UGGT1: variants seen among roughly 807,000 people sequenced by gnomAD.
UGGT1 encodes UDP-glucose:glycoprotein glucosyltransferase 1.
Under a neutral mutation model 203.9 loss-of-function variants are expected in UGGT1, and 107 were observed. The observed-to-expected ratio is 0.52, with a 90% confidence interval of 0.45 to 0.62. The LOEUF (loss-of-function observed/expected upper bound fraction) is 0.62, where lower values mean the gene tolerates loss of function less well. Among genes scored for constraint, UGGT1 ranks in the 20% least tolerant of loss-of-function variants. The probability of loss-of-function intolerance (pLI) is 0.00; values close to 1 mark genes in which losing one functional copy is unlikely to be tolerated. For missense variants in UGGT1, 1,673 were observed against 1,867.2 expected, an observed-to-expected ratio of 0.90 and a Z score of 1.92; for synonymous variants, 628 against 653.5, an observed-to-expected ratio of 0.96 and a Z score of 0.59.
chr2:128,096,407 A>G (rs1458050217), intron 1 of UGGT1, among the ~76,000 whole-genome samples: 2 of 152,250 alleles, frequency 1.3e-5, no homozygotes, highest in Non-Finnish European at 2.9e-5. Flanking sequence ...AGGGTTTCAC[A>G]GGACCACGTT....
At chr2:128,118,719 G>C (rs1286368423) in intron 8 of UGGT1, among the ~76,000 whole-genome samples, 1 of 152,012 alleles carries the variant, frequency 6.6e-6, no homozygotes, top group Non-Finnish European at 1.5e-5. Context: ...AAAGTAATTA[G>C]ACCTTTTTTT....
intron 18 of UGGT1, among the ~76,000 whole-genome samples, chr2:128,151,638 G>A (rs1159078553): frequency 6.6e-6 from 1 of 152,148 alleles, no homozygotes; most frequent in Non-Finnish European, 1.5e-5. Flanking sequence ...GGTCGGGCAC[G>A]GTGAGAGAGG....
At chr2:128,181,626 G>A (rs1278281015) in intron 36 of UGGT1, among the ~76,000 whole-genome samples, 1 of 152,218 alleles carries the variant, frequency 6.6e-6, no homozygotes, top group Non-Finnish European at 1.5e-5. Context: ...GTGGAAGGAT[G>A]TAATGTGTGT....
rs139800360 is a variant in UGGT1 at position 128,145,871 on chromosome 2, C to A, written c.1920C>A (p.Pro640=). The change falls in exon 18 of 41, where the codon CCC becomes CCA. Residue 640 remains proline, a synonymous_variant. Transcript: ENST00000259253. ...PLPVVLFNGM[P]FEREQLDPDE... is the part of the protein sequence containing the mutation. Reference sequence around the variant, plus strand: ...CCGTTGTGCTGTTCAATGGAATGCCCTTTGAAAGGGAACAGCTAGACCCTG... The same window carrying A: ...CCGTTGTGCTGTTCAATGGAATGCCATTTGAAAGGGAACAGCTAGACCCTG... 12 of 1,613,958 alleles carry A rather than the reference C, an allele frequency of 7.4e-6. No homozygotes were observed. The highest frequency in any genetic ancestry group is 1.6e-4 in the Middle Eastern group (1 of 6,084).
At chr2:128,131,264 G>A (rs1464860461) in intron 13 of UGGT1, among the ~76,000 whole-genome samples, 1 of 141,184 alleles carries the variant, frequency 7.1e-6, no homozygotes, top group African/African-American at 2.6e-5. Context: ...AAAAAATTGG[G>A]ATAATCCAGT....
At position 128,159,662 on chromosome 2, in the gene UGGT1, A is replaced by T; in HGVS notation, c.2504A>T (p.Lys835Met). ...AAGAACTTCATCACCAAAATGGCCA[A>T]GGAGGGGGCTGCAGAGGCCCTGGCT... ...AAKNFITKMA[K>M]EGAAEALAAG... The change falls in exon 23 of 41, where the codon AAG becomes ATG. Residue 835 changes from lysine to methionine, a missense_variant. Physicochemically the swap from Lys to Met is moderately conservative, Grantham distance 95. This residue lies in a region of UGGT1 where 1,073 missense variants were observed against 1,078.7 expected (regional missense o/e 0.99). Coordinates refer to ENST00000259253, the MANE Select transcript of UGGT1 (RefSeq NM_020120.4). The T allele has an allele frequency of 6.2e-7, 1 of 1,614,154 alleles. No individual in the cohort carries two copies. The highest frequency in any genetic ancestry group is 8.5e-7 in the Non-Finnish European group (1 of 1,180,026).
At position 128,160,800 on chromosome 2, in the gene UGGT1, TG is replaced by T. The variant is rs1690489832; in HGVS notation, c.2694+210del. ...ATATCCCCATATGGAGCCTTCCTGC[TG>T]TCGGTGAGAGTGTGGTGGCTCTCAG... On this transcript the variant is annotated intron_variant, in intron 24 of 40. Transcript: ENST00000259253. 1.3e-5 allele frequency among the ~76,000 whole-genome samples: 2 copies of T among 152,252 alleles called. 1 individual carries two copies. The highest frequency in any genetic ancestry group is 4.1e-4 in the South Asian group (2 of 4,836).
intron 14 of UGGT1, among the ~76,000 whole-genome samples, chr2:128,134,325 C>T: frequency 6.6e-6 from 1 of 152,202 alleles, no homozygotes; most frequent in Non-Finnish European, 1.5e-5. Context: ...TGTGAGCCAC[C>T]ATGCCTGGCC....
At chr2:128,151,842 A>G (rs1271149272) in intron 18 of UGGT1, among the ~76,000 whole-genome samples, 1 of 151,982 alleles carries the variant, frequency 6.6e-6, no homozygotes, top group African/African-American at 2.4e-5. Context: ...ATACTACTAC[A>G]CTCCAGCCTG....
At chr2:128,149,659 G>C (rs1019525171) in intron 18 of UGGT1, among the ~76,000 whole-genome samples, 1 of 151,854 alleles carries the variant, frequency 6.6e-6, no homozygotes, top group Non-Finnish European at 1.5e-5. Flanking sequence ...TGTAGTCCCA[G>C]CTACTCAGGA....
intron 1 of UGGT1, among the ~76,000 whole-genome samples, chr2:128,094,254 TAAAA>T (rs1177098576): frequency 6.7e-6 from 1 of 148,366 alleles, no homozygotes; most frequent in East Asian, 2.0e-4. Context: ...CAGGCCAGAT[TAAAA>T]AAAAAAGAAA....
chr2:128,193,322 G>C lies in UGGT1; in HGVS notation c.*3580G>C, dbSNP rs1163115184. 7 of 150,426 alleles carry C rather than the reference G, an allele frequency of 4.7e-5. No individual in the cohort carries two copies. Among genetic ancestry groups the C allele is most frequent in the African/African-American group, 1.7e-4 (7 of 40,852 alleles). The allele number at this position is 150,426 out of a possible 1,614,324, so 9.3% of individuals were successfully genotyped here. A position where few individuals can be genotyped will look rare whatever the true frequency, so the allele number is the denominator to read the frequency against. On this transcript the variant is annotated 3_prime_UTR_variant, in exon 41 of 41. Coordinates refer to ENST00000259253, the MANE Select transcript of UGGT1 (RefSeq NM_020120.4). ...GCTGGAGTGCAGTGGTGCGATCTTG[G>C]CTCACTTCAACCTCTGCCTCCCAAG...
chr2:128,094,511 C>A (rs922221144), intron 1 of UGGT1, among the ~76,000 whole-genome samples: 1 of 152,078 alleles, frequency 6.6e-6, no homozygotes, highest in Non-Finnish European at 1.5e-5. Context: ...TACTATTATT[C>A]CTACTTTGAT....
At chr2:128,169,631 C>CT (rs1690990680) in intron 26 of UGGT1, among the ~76,000 whole-genome samples, 1 of 152,218 alleles carries the variant, frequency 6.6e-6, no homozygotes, top group Admixed American at 6.5e-5. Context: ...AAAGCCATCT[C>CT]TATGTCCAGC....
At chr2:128,166,343 G>T (rs1690788029) in intron 26 of UGGT1, among the ~76,000 whole-genome samples, 1 of 152,162 alleles carries the variant, frequency 6.6e-6, no homozygotes, top group Non-Finnish European at 1.5e-5. Context: ...GCACCATTTG[G>T]AAATACGTTG....
Position 128,145,820 on chromosome 2 carries a change from T to A in UGGT1, c.1869T>A (p.Tyr623Ter). ...DRNRKEARGY[Y>*]EQTGVGPLPV... ...TGTTTCAGGAAGCAAGAGGCTACTA[T>A]GAGCAGACTGGAGTTGGACCTCTGC... The change falls in exon 18 of 41, where the codon TAT becomes TAA. Residue 623 changes from tyrosine (Y) to a stop codon, truncating the protein, a stop_gained. Coordinates refer to ENST00000259253, the MANE Select transcript of UGGT1 (RefSeq NM_020120.4). LOFTEE classifies it high-confidence loss of function. The A allele has an allele frequency of 6.2e-7, 1 of 1,600,698 alleles. No individual in the cohort carries two copies. The highest frequency in any genetic ancestry group is 1.1e-5 in the South Asian group (1 of 89,758).
Position 128,091,202 on chromosome 2 carries a change from C to A in UGGT1, c.-156C>A. ...GCGGAAGTAAAAGGGCGGCCGGCAGCTGGGCAATTGCTTTGCGAGGCTGGG... is the reference window on the plus strand; with the variant it reads ...GCGGAAGTAAAAGGGCGGCCGGCAGATGGGCAATTGCTTTGCGAGGCTGGG... On this transcript the variant is annotated 5_prime_UTR_variant, in exon 1 of 41. The change creates a new upstream start codon in the 5' untranslated region. Coordinates refer to ENST00000259253, the MANE Select transcript of UGGT1 (RefSeq NM_020120.4). The A allele has an allele frequency of 2.5e-6, 2 of 814,126 alleles. No homozygotes were observed. The highest frequency in any genetic ancestry group is 3.6e-6 in the Non-Finnish European group (2 of 550,522). The allele number at this position is 814,126 out of a possible 1,614,324, so 50.4% of individuals were successfully genotyped here.
intron 36 of UGGT1, 33 bp downstream of exon 36, chr2:128,181,105 G>C (rs748444632): frequency 3.2e-6 from 5 of 1,565,986 alleles, no homozygotes; most frequent in African/African-American, 1.4e-5. Context: ...TTGACAGTTT[G>C]TATTAAAAGC....
At chr2:128,138,010 C>T (rs1689214531) in intron 15 of UGGT1, among the ~76,000 whole-genome samples, 1 of 152,210 alleles carries the variant, frequency 6.6e-6, no homozygotes, top group Middle Eastern at 3.4e-3. Flanking sequence ...AATTCTCATA[C>T]TGCATGTGCT....
Sources: gnomAD v4.1 joint callset for allele counts (sites outside exome capture counted in the v4.1 genomes callset) on GRCh38, gnomAD v4.1.1 for gene constraint, gnomAD v4.1.1 regional missense constraint, MANE v1.5 for transcripts, NCBI Gene and HGNC (gene_info 2026-07-23, HGNC 2026-07-21) for gene names.